The following CCDC170 variants were observed in gnomAD, a reference collection of about 807,000 sequenced individuals.
CCDC170 encodes the protein coiled-coil domain containing 170, also known as coiled-coil domain-containing protein 170.
Under a neutral mutation model 72.6 loss-of-function variants are expected in CCDC170, and 69 were observed. That is an observed-to-expected ratio of 0.95 (90% CI 0.78 to 1.16). The LOEUF is 1.16. Among genes scored for constraint, CCDC170 ranks in the 50% most tolerant of loss-of-function variants. The pLI is 0.00. For missense variants in CCDC170, 852 were observed against 832.5 expected (o/e 1.02, Z -0.29); for synonymous variants, 300 against 303.9 (o/e 0.99, Z 0.13).
intron 1 of CCDC170, among the ~76,000 whole-genome samples, chr6:151,508,544 A>C (rs1043159324): frequency 6.6e-6 from 1 of 151,712 alleles, no homozygotes; most frequent in Non-Finnish European, 1.5e-5. Context: ...ATCTGAAAAA[A>C]ACCAAAAAAA....
intron 6 of CCDC170, among the ~76,000 whole-genome samples, chr6:151,582,803 G>A (rs371605014): frequency 6.6e-6 from 1 of 151,964 alleles, no homozygotes; most frequent in East Asian, 1.9e-4. Context: ...AGAGCTCATG[G>A]GAACTAAGAG....
At chr6:151,548,745 A>G (rs1782822171) in intron 5 of CCDC170, among the ~76,000 whole-genome samples, 1 of 151,970 alleles carries the variant, frequency 6.6e-6, no homozygotes, top group African/African-American at 2.4e-5. Context: ...TTTGAGAAGG[A>G]GTCTCACTCT....
chr6:151,564,246 G>A (rs1348865002), intron 5 of CCDC170, among the ~76,000 whole-genome samples: 3 of 152,168 alleles, frequency 2.0e-5, no homozygotes, highest in African/African-American at 7.2e-5. Flanking sequence ...GTGCAGCGGT[G>A]TAGTTTCCTA....
intron 1 of CCDC170, among the ~76,000 whole-genome samples, chr6:151,529,841 G>A (rs780274188): frequency 9.2e-5 from 14 of 152,070 alleles, no homozygotes; most frequent in African/African-American, 9.7e-5. Context: ...AGTTTATTCC[G>A]TTCATAGTTC....
chr6:151,501,149 T>C (rs962062574), intron 1 of CCDC170, among the ~76,000 whole-genome samples: 14 of 150,624 alleles, frequency 9.3e-5, no homozygotes, highest in African/African-American at 3.4e-4. Flanking sequence ...TGCTTTATAC[T>C]ATTAAAAATA....
intron 5 of CCDC170, among the ~76,000 whole-genome samples, chr6:151,553,729 T>C (rs185936159): frequency 2.0e-5 from 3 of 151,588 alleles, no homozygotes; most frequent in Middle Eastern, 3.4e-3. Context: ...TCATAAAAAT[T>C]GTAAAAAAAA....
At chr6:151,516,490 A>G (rs1782238036) in intron 1 of CCDC170, among the ~76,000 whole-genome samples, 1 of 152,164 alleles carries the variant, frequency 6.6e-6, no homozygotes, top group Non-Finnish European at 1.5e-5. Flanking sequence ...TTGCTTTACC[A>G]TGAGGTCCTA....
At chr6:151,545,146 G>A (rs1046067290) in intron 4 of CCDC170, among the ~76,000 whole-genome samples, 3 of 152,136 alleles carry the variant, frequency 2.0e-5, no homozygotes, top group South Asian at 2.1e-4. Flanking sequence ...GTGGCTGGGC[G>A]CGGTGACTCA....
chr6:151,517,513 G>T (rs1232580775), intron 1 of CCDC170, among the ~76,000 whole-genome samples: 1 of 149,694 alleles, frequency 6.7e-6, no homozygotes, highest in Admixed American at 6.7e-5. Flanking sequence ...GCTCACTGCA[G>T]CCTCTGCCTC....
At chr6:151,605,340 C>T (rs922112377) in intron 9 of CCDC170, among the ~76,000 whole-genome samples, 1 of 152,254 alleles carries the variant, frequency 6.6e-6, no homozygotes, top group South Asian at 2.1e-4. Context: ...TGGGAAATGT[C>T]GCAAAGGGGA....
chr6:151,551,401 A>G (rs1412787952), intron 5 of CCDC170, among the ~76,000 whole-genome samples: 1 of 152,210 alleles, frequency 6.6e-6, no homozygotes, highest in Non-Finnish European at 1.5e-5. Flanking sequence ...TTTCAAGCAC[A>G]TACATTTTTT....
rs768524694 is a variant in CCDC170, at chr6:151,596,557, G to C, written c.1690G>C (p.Ala564Pro). ...GCACACCGAGCTCAAAGCCAAACTG[G>C]CCGACACCAATGAACTGAAGGCAAG... is the stretch of plus-strand genomic sequence containing the variant. Reference protein sequence around the residue: ...DLHTELKAKLADTNELKIKTL... With the variant: ...DLHTELKAKLPDTNELKIKTL... The change falls in exon 9 of 11, where the codon GCC (alanine) becomes CCC (proline). Residue 564 changes from alanine (A) to proline (P), a missense_variant. Coordinates refer to ENST00000239374, the MANE Select transcript of CCDC170 (RefSeq NM_025059.4). The C allele has an allele frequency of 6.2e-7, 1 of 1,614,106 alleles. No individual in the cohort carries two copies. The highest frequency in any genetic ancestry group is 8.5e-7 in the Non-Finnish European group (1 of 1,179,984).
chr6:151,557,085 T>A (rs920945583), intron 5 of CCDC170, among the ~76,000 whole-genome samples: 1 of 152,136 alleles, frequency 6.6e-6, no homozygotes, highest in Non-Finnish European at 1.5e-5. Context: ...GGTTTAATAG[T>A]ATTCCATTGT....
intron 9 of CCDC170, among the ~76,000 whole-genome samples, chr6:151,607,580 G>GCTTGT (rs1381535346): frequency 2.6e-5 from 4 of 151,816 alleles, no homozygotes; most frequent in African/African-American, 9.7e-5. Flanking sequence ...CTCAGTTTTT[G>GCTTGT]CTTGTCTGGG....
chr6:151,610,552 C>T (rs545965152), intron 9 of CCDC170, among the ~76,000 whole-genome samples: 23 of 152,310 alleles, frequency 1.5e-4, no homozygotes, highest in Admixed American at 2.6e-4. Flanking sequence ...TATTTTCCCA[C>T]GTATCACTTA....
rs555586362 is a variant in CCDC170 at position 151,545,105 on chromosome 6, G to A, written c.588+389G>A. Among the ~76,000 whole-genome samples, 138 of 152,178 alleles carry A rather than the reference G, an allele frequency of 9.1e-4. 1 individual carries two copies. The highest frequency in any genetic ancestry group is 3.2e-3 in the African/African-American group (133 of 41,520). ...ATACTGATTGAGTGTGAGATCTAAA[G>A]TACTTTAAAAATTTACATTAAAACC... On this transcript the variant is annotated intron_variant, in intron 4 of 10. Transcript: ENST00000239374.
At chr6:151,547,016 C>G (rs981753265) in intron 4 of CCDC170, among the ~76,000 whole-genome samples, 1 of 148,762 alleles carries the variant, frequency 6.7e-6, no homozygotes, top group Admixed American at 6.7e-5. Context: ...AAAAAATTGG[C>G]CCAGATCAGG....
chr6:151,555,802 CTCT>C lies in CCDC170; in HGVS notation c.774+7320_774+7322del, dbSNP rs567517599. On this transcript the variant is annotated intron_variant, in intron 5 of 10. Transcript: ENST00000239374. Reference sequence around the variant, plus strand: ...GGACATTTATTATGGATTTCTAAGTCTCTTCTTCTGGCTAAACAGCCTTAGATC... The same window carrying C: ...GGACATTTATTATGGATTTCTAAGTCTCTTCTGGCTAAACAGCCTTAGATC... Among the ~76,000 whole-genome samples the C allele has an allele frequency of 2.1e-3, 316 of 152,318 alleles. 4 individuals are homozygous for C. Among genetic ancestry groups the C allele is most frequent in the African/African-American group, 7.4e-3 (307 of 41,564 alleles).
chr6:151,549,572 T>C (rs4870038), intron 5 of CCDC170, among the ~76,000 whole-genome samples: 92,720 of 151,958 alleles, frequency 0.61, 30,639 homozygotes, highest in Admixed American at 0.72. Flanking sequence ...GAGGCAACCT[T>C]TCTGTTAACA....
Sources: allele counts gnomAD v4.1 joint callset (sites outside exome capture counted in the v4.1 genomes callset), GRCh38; gene constraint gnomAD v4.1.1; transcripts MANE v1.5; gene names NCBI Gene and HGNC (gene_info 2026-07-23, HGNC 2026-07-21).